LARGE1: variants seen among roughly 807,000 people sequenced by gnomAD.
LARGE1 encodes the protein LARGE xylosyl- and glucuronyltransferase 1, also known as xylosyl- and glucuronyltransferase LARGE1.
A neutral mutation model predicts 87.6 loss-of-function variants in LARGE1; 43 were observed. The observed-to-expected ratio is 0.49, with a 90% CI of 0.38 to 0.63. The LOEUF (loss-of-function observed/expected upper bound fraction) is 0.63, where lower values mean the gene tolerates loss of function less well. Ranked by LOEUF, LARGE1 falls within the 30% of genes least tolerant of loss-of-function variation. LARGE1 has a pLI of 0.00. For synonymous variants in LARGE1, 434 were observed against 394.6 expected (o/e 1.10, Z -1.18); for missense variants, 802 against 1,000.2 (o/e 0.80, Z 2.67).
intron 1 of LARGE1, among the ~76,000 whole-genome samples, chr22:33,837,279 C>CACAT (rs1491397964): frequency 1.3e-5 from 2 of 151,518 alleles, no homozygotes; most frequent in African/African-American, 4.9e-5. Context: ...CACACACACA[C>CACAT]ACCTATACAT....
intron 6 of LARGE1, among the ~76,000 whole-genome samples, chr22:33,455,799 A>G (rs1371630950): frequency 6.6e-6 from 1 of 152,068 alleles, no homozygotes; most frequent in East Asian, 1.9e-4. Context: ...GGTTTAAACA[A>G]CTGGGAAGGA....
At chr22:33,210,042 C>T (rs1438741943) in intron 11 of LARGE1, among the ~76,000 whole-genome samples, 4 of 152,214 alleles carry the variant, frequency 2.6e-5, no homozygotes, top group African/African-American at 9.6e-5. Flanking sequence ...CTAATTCACA[C>T]AGAAGTTCTT....
intron 6 of LARGE1, among the ~76,000 whole-genome samples, chr22:33,477,940 C>T (rs528110751): frequency 1.3e-5 from 2 of 152,294 alleles, no homozygotes; most frequent in East Asian, 3.9e-4. Flanking sequence ...TCTCTATTTG[C>T]ATCTGAGTCA....
chr22:33,531,965 C>T (rs142607071), intron 6 of LARGE1, among the ~76,000 whole-genome samples: 25 of 152,282 alleles, frequency 1.6e-4, no homozygotes, highest in African/African-American at 5.5e-4. Context: ...TGCAAGGAGG[C>T]GCCTGAAGCC....
chr22:33,239,607 C>T (rs1361026996), intron 11 of LARGE1, among the ~76,000 whole-genome samples: 1 of 138,150 alleles, frequency 7.2e-6, no homozygotes, highest in Non-Finnish European at 1.5e-5. Flanking sequence ...GGCGCGATCT[C>T]GGCTCACTGC....
At chr22:33,819,695 C>T (rs1191798502) in intron 1 of LARGE1, among the ~76,000 whole-genome samples, 1 of 152,158 alleles carries the variant, frequency 6.6e-6, no homozygotes, top group Non-Finnish European at 1.5e-5. Context: ...TTCCACTTTC[C>T]CATGGGGTGA....
At chr22:33,173,419 C>T (rs1157636684) in intron 11 of LARGE1, among the ~76,000 whole-genome samples, 5 of 152,096 alleles carry the variant, frequency 3.3e-5, no homozygotes, top group Admixed American at 6.6e-5. Flanking sequence ...TAAAGATCAT[C>T]GACACTATGA....
At chr22:33,791,885 A>G (rs915353283) in intron 1 of LARGE1, among the ~76,000 whole-genome samples, 1 of 152,212 alleles carries the variant, frequency 6.6e-6, no homozygotes, top group African/African-American at 2.4e-5. Context: ...AGAAATTTTT[A>G]TGTGTCTTAT....
intron 2 of LARGE1, among the ~76,000 whole-genome samples, chr22:33,749,721 T>G (rs2084240499): frequency 6.6e-6 from 1 of 152,202 alleles, no homozygotes; most frequent in Non-Finnish European, 1.5e-5. Flanking sequence ...AATTTTTTCG[T>G]TATACTGGCT....
intron 2 of LARGE1, among the ~76,000 whole-genome samples, chr22:33,693,401 A>AG: frequency 1.8e-5 from 2 of 113,516 alleles, no homozygotes. Flanking sequence ...AACTGAAATG[A>AG]AAAAAAAAAA....
intron 9 of LARGE1, among the ~76,000 whole-genome samples, chr22:33,361,356 G>A (rs1208801850): frequency 1.3e-5 from 2 of 149,760 alleles, no homozygotes; most frequent in East Asian, 3.9e-4. Flanking sequence ...AACTTCCTCT[G>A]AAATGTACTT....
At chr22:33,634,996 T>C (rs2080228057) in intron 3 of LARGE1, among the ~76,000 whole-genome samples, 2 of 151,852 alleles carry the variant, frequency 1.3e-5, no homozygotes, top group Non-Finnish European at 2.9e-5. Context: ...CGGGCACCTG[T>C]AATCCCAGTT....
intron 2 of LARGE1, among the ~76,000 whole-genome samples, chr22:33,718,588 C>G (rs2082981416): frequency 6.6e-6 from 1 of 152,198 alleles, no homozygotes; most frequent in Non-Finnish European, 1.5e-5. Context: ...GGCCAGTGGG[C>G]TAAGTTCTTT....
At chr22:33,725,677 C>T (rs748428601) in intron 2 of LARGE1, 26 of 152,272 alleles carry the variant, frequency 1.7e-4, no homozygotes, top group Middle Eastern at 3.4e-3. Context: ...TGAACCGCAT[C>T]GTAATCTCCT....
the LARGE1 span, among the ~76,000 whole-genome samples, chr22:33,076,675 T>G: frequency 6.6e-6 from 1 of 152,130 alleles, no homozygotes; most frequent in Non-Finnish European, 1.5e-5. Context: ...AGAGTTAGAC[T>G]TCATAAAAGC....
chr22:33,841,449 T>A (rs2063279285), intron 1 of LARGE1, among the ~76,000 whole-genome samples: 1 of 152,160 alleles, frequency 6.6e-6, no homozygotes, highest in African/African-American at 2.4e-5. Context: ...TCTGCTCTCA[T>A]CCACACGGAC....
At chr22:33,437,343 G>C (rs1464742819) in intron 6 of LARGE1, among the ~76,000 whole-genome samples, 1 of 152,188 alleles carries the variant, frequency 6.6e-6, no homozygotes, top group Non-Finnish European at 1.5e-5. Context: ...ACCAGAGCCA[G>C]ACGCCTGGGC....
At chr22:33,534,701 GT>G (rs2076993673) in intron 6 of LARGE1, among the ~76,000 whole-genome samples, 2 of 152,208 alleles carry the variant, frequency 1.3e-5, no homozygotes, top group Non-Finnish European at 2.9e-5. Context: ...CCCAGTGCTG[GT>G]TCTGGGTTTG....
intron 1 of LARGE1, among the ~76,000 whole-genome samples, chr22:33,874,456 C>A (rs529500409): frequency 6.6e-6 from 1 of 152,166 alleles, no homozygotes; most frequent in Non-Finnish European, 1.5e-5. Context: ...CAATGTAACA[C>A]GTGGCAGCTG....
Sources: gnomAD v4.1 joint callset for allele counts (sites outside exome capture counted in the v4.1 genomes callset) on GRCh38, gnomAD v4.1.1 for gene constraint, MANE v1.5 for transcripts, NCBI Gene and HGNC (gene_info 2026-07-23, HGNC 2026-07-21) for gene names.